ADAMTS17: variants seen among roughly 807,000 people sequenced by gnomAD.
The protein encoded by ADAMTS17 is A disintegrin and metalloproteinase with thrombospondin motifs 17.
ADAMTS17 carries 113 observed loss-of-function variants against 141.5 expected under a neutral mutation model. The ratio of observed to expected loss-of-function variants is 0.80; its 90% CI spans 0.69 to 0.93. The LOEUF (loss-of-function observed/expected upper bound fraction) is 0.93, where lower values mean the gene tolerates loss of function less well. ADAMTS17 is among the 40% of genes least tolerant of loss of function. ADAMTS17 has a pLI of 0.00. For synonymous variants in ADAMTS17, 768 were observed against 630.6 expected, an observed-to-expected ratio of 1.22 and a Z score of -3.27; for missense variants, 1,659 against 1,517.9, an observed-to-expected ratio of 1.09 and a Z score of -1.54.
At chr15:100,267,765 T>C (rs1390032939) in intron 4 of ADAMTS17, among the ~76,000 whole-genome samples, 2 of 152,216 alleles carry the variant, frequency 1.3e-5, no homozygotes, top group Non-Finnish European at 2.9e-5. Flanking sequence ...ATAGTAGGTG[T>C]ATACATTTAT....
Position 100,012,776 on chromosome 15 carries a change from G to T in ADAMTS17, c.2592-15187C>A, listed in dbSNP as rs1221952619. Among the ~76,000 whole-genome samples the T allele has an allele frequency of 9.9e-5, 15 of 152,126 alleles. 1 individual carries two copies. Among genetic ancestry groups the T allele is most frequent in the Admixed American group, 5.9e-4 (9 of 15,266 alleles). On this transcript the variant is annotated intron_variant, in intron 18 of 21. Transcript: ENST00000268070. ...TTTTATACCAGTACCATGCTGTTTT[G>T]GTGACTACGGCCTTATAGTATAGTT... is the stretch of plus-strand genomic sequence containing the variant.
At chr15:100,159,936 G>A (rs1329871903) in intron 8 of ADAMTS17, among the ~76,000 whole-genome samples, 2 of 152,186 alleles carry the variant, frequency 1.3e-5, no homozygotes, top group African/African-American at 4.8e-5. Flanking sequence ...AAGCCACAGG[G>A]TCTGGAACCA....
chr15:100,073,821 G>A (rs1332434996), intron 15 of ADAMTS17, among the ~76,000 whole-genome samples: 2 of 151,070 alleles, frequency 1.3e-5, no homozygotes, highest in East Asian at 2.0e-4. Context: ...GTTAAATAAC[G>A]AGTTGATGGG....
intron 15 of ADAMTS17, among the ~76,000 whole-genome samples, chr15:100,094,828 G>C (rs2035666658): frequency 6.6e-6 from 1 of 152,202 alleles, no homozygotes; most frequent in Non-Finnish European, 1.5e-5. Context: ...ATTCTCATGG[G>C]AGCCCAGGAG....
At chr15:100,012,937 T>G (rs1480306503) in intron 18 of ADAMTS17, among the ~76,000 whole-genome samples, 1 of 152,216 alleles carries the variant, frequency 6.6e-6, no homozygotes, top group African/African-American at 2.4e-5. Flanking sequence ...TAGCAGTATT[T>G]TGATGGGAAT....
chr15:100,176,712 A>G (rs536924555), intron 8 of ADAMTS17, among the ~76,000 whole-genome samples: 1 of 152,292 alleles, frequency 6.6e-6, no homozygotes, highest in African/African-American at 2.4e-5. Flanking sequence ...TAACCACCAC[A>G]ATCAAGAAAC....
chr15:100,044,305 G>A (rs1385388924), intron 18 of ADAMTS17, among the ~76,000 whole-genome samples: 1 of 152,092 alleles, frequency 6.6e-6, no homozygotes, highest in Non-Finnish European at 1.5e-5. Flanking sequence ...CCTTATGCTA[G>A]AATGCTTGAT....
chr15:100,171,572 C>A (rs994442966), intron 8 of ADAMTS17, among the ~76,000 whole-genome samples: 12 of 152,180 alleles, frequency 7.9e-5, no homozygotes, highest in Admixed American at 7.2e-4. Flanking sequence ...TGTCCTCTGG[C>A]GGGCCCAGCT....
At chr15:100,011,359 A>C (rs1404786538) in intron 18 of ADAMTS17, among the ~76,000 whole-genome samples, 1 of 7,468 alleles carries the variant, frequency 1.3e-4, no homozygotes, top group Non-Finnish European at 3.2e-4. Context: ...GAGGGACGGG[A>C]GGGAGAGAAG....
At chr15:100,205,375 A>G (rs952717982) in intron 7 of ADAMTS17, among the ~76,000 whole-genome samples, 9 of 152,158 alleles carry the variant, frequency 5.9e-5, no homozygotes, top group Non-Finnish European at 4.4e-5. Flanking sequence ...ACATGCCGGG[A>G]GAGGGGAAGG....
At chr15:100,265,694 C>T (rs979301993) in intron 4 of ADAMTS17, among the ~76,000 whole-genome samples, 3 of 152,150 alleles carry the variant, frequency 2.0e-5, no homozygotes. Flanking sequence ...TGACCCAAGG[C>T]CTCCCCCCAG....
intron 20 of ADAMTS17, among the ~76,000 whole-genome samples, chr15:99,991,423 C>T (rs890982424): frequency 2.0e-5 from 3 of 152,296 alleles, no homozygotes; most frequent in African/African-American, 7.2e-5. Flanking sequence ...TGAAAAAAAG[C>T]TCATCATCAC....
chr15:99,986,375 G>T (rs1339317305), intron 20 of ADAMTS17, among the ~76,000 whole-genome samples: 3 of 152,188 alleles, frequency 2.0e-5, no homozygotes, highest in Admixed American at 6.5e-5. Context: ...ACATGAACTT[G>T]ACCTCAGACT....
chr15:100,169,843 C>T (rs1370699900), intron 8 of ADAMTS17, among the ~76,000 whole-genome samples: 1 of 152,178 alleles, frequency 6.6e-6, no homozygotes, highest in East Asian at 1.9e-4. Flanking sequence ...TTGGGGAGAA[C>T]AGGTGTTGAG....
chr15:100,260,760 C>T (rs759454416), intron 6 of ADAMTS17, among the ~76,000 whole-genome samples: 6 of 151,998 alleles, frequency 3.9e-5, no homozygotes, highest in Non-Finnish European at 8.8e-5. Context: ...AAAGCAAGCA[C>T]GCAATTTGGG....
intron 8 of ADAMTS17, among the ~76,000 whole-genome samples, chr15:100,160,348 G>A (rs1283143354): frequency 6.6e-6 from 1 of 152,182 alleles, no homozygotes; most frequent in South Asian, 2.1e-4. Flanking sequence ...CATTCTCCCT[G>A]GCTGGGATCT....
chr15:100,226,973 C>T lies in ADAMTS17; in HGVS notation c.1075+27163G>A, dbSNP rs150905726. On this transcript the variant is annotated intron_variant, in intron 7 of 21. Coordinates refer to ENST00000268070, the MANE Select transcript of ADAMTS17 (RefSeq NM_139057.4). ...ATGCAATTAAGTGACAAATATATGA[C>T]GTCCATCATTTCAAAAGAGACTAAA... is the stretch of plus-strand genomic sequence containing the variant. Among the ~76,000 whole-genome samples, 178 of 152,146 alleles carry T rather than the reference C, an allele frequency of 1.2e-3. 1 individual carries two copies. Among genetic ancestry groups the T allele is most frequent in the African/African-American group, 4.1e-3 (170 of 41,496 alleles).
intron 8 of ADAMTS17, among the ~76,000 whole-genome samples, chr15:100,164,847 T>A (rs749909868): frequency 1.3e-5 from 2 of 152,198 alleles, no homozygotes. Flanking sequence ...AGGCCCACTG[T>A]TCTTGGTAAG....
intron 13 of ADAMTS17, among the ~76,000 whole-genome samples, chr15:100,111,081 G>T (rs2036748706): frequency 6.6e-6 from 1 of 152,178 alleles, no homozygotes; most frequent in South Asian, 2.1e-4. Flanking sequence ...CCCACGAGAA[G>T]ACTGGAGATC....
Sources: allele counts gnomAD v4.1 joint callset (sites outside exome capture counted in the v4.1 genomes callset), GRCh38; gene constraint gnomAD v4.1.1; transcripts MANE v1.5; gene names NCBI Gene and HGNC (gene_info 2026-07-23, HGNC 2026-07-21).